NTM: variants seen among roughly 807,000 people sequenced by gnomAD.
NTM encodes IgLON family member 2.
Under a neutral mutation model 42.1 loss-of-function variants are expected in NTM, and 13 were observed. The observed-to-expected ratio is 0.31, with a 90% CI of 0.20 to 0.49. The LOEUF is 0.49. Among genes scored for constraint, NTM ranks in the 20% least tolerant of loss-of-function variants. The probability of loss-of-function intolerance (pLI) is 0.99; values close to 1 mark genes in which losing one functional copy is unlikely to be tolerated. For missense variants in NTM, 373 were observed against 452.8 expected (o/e 0.82, Z 1.60); for synonymous variants, 187 against 179.2 (o/e 1.04, Z -0.35).
intron 3 of NTM, among the ~76,000 whole-genome samples, chr11:132,175,156 G>T (rs2049658882): frequency 2.0e-5 from 3 of 152,124 alleles, no homozygotes; most frequent in Non-Finnish European, 4.4e-5. Flanking sequence ...TGTACATGTA[G>T]GATTTTTAAT....
At chr11:132,084,452 A>G (rs541591357) in intron 2 of NTM, among the ~76,000 whole-genome samples, 1 of 152,282 alleles carries the variant, frequency 6.6e-6, no homozygotes, top group South Asian at 2.1e-4. Context: ...ATGTACCTAA[A>G]CATGTCAGAT....
intron 1 of NTM, among the ~76,000 whole-genome samples, chr11:131,524,173 G>A (rs1447596404): frequency 6.6e-6 from 1 of 152,212 alleles, no homozygotes; most frequent in Non-Finnish European, 1.5e-5. Context: ...GCTGGTCTAG[G>A]GGATCCAAGA....
chr11:132,066,754 G>T (rs2056558200), intron 2 of NTM, among the ~76,000 whole-genome samples: 1 of 152,002 alleles, frequency 6.6e-6, no homozygotes, highest in African/African-American at 2.4e-5. Flanking sequence ...GTTCAAATTT[G>T]CTTCTTTCTT....
At chr11:131,396,458 T>C (rs1944566750) in intron 1 of NTM, among the ~76,000 whole-genome samples, 1 of 152,156 alleles carries the variant, frequency 6.6e-6, no homozygotes, top group African/African-American at 2.4e-5. Flanking sequence ...CTGTTGCTTT[T>C]AGATCATATT....
chr11:132,260,741 G>A (rs934879441), intron 4 of NTM, among the ~76,000 whole-genome samples: 3 of 152,320 alleles, frequency 2.0e-5, no homozygotes, highest in Admixed American at 6.5e-5. Flanking sequence ...CACCAGATGG[G>A]AAAGCCTTCG....
At chr11:132,085,956 G>T (rs2059647202) in intron 2 of NTM, among the ~76,000 whole-genome samples, 1 of 152,120 alleles carries the variant, frequency 6.6e-6, no homozygotes. Context: ...GGAATCCACG[G>T]TGCCTTTTCT....
At chr11:131,600,612 C>T (rs1487519581) in intron 1 of NTM, among the ~76,000 whole-genome samples, 2 of 152,178 alleles carry the variant, frequency 1.3e-5, no homozygotes, top group Non-Finnish European at 2.9e-5. Flanking sequence ...GTTCCTCTGC[C>T]AAAGAAATTT....
At chr11:131,372,524 G>T (rs1191733146) in intron 1 of NTM, among the ~76,000 whole-genome samples, 1 of 152,096 alleles carries the variant, frequency 6.6e-6, no homozygotes, top group Non-Finnish European at 1.5e-5. Flanking sequence ...GCTGAGTTCA[G>T]GATCGGGCAG....
intron 2 of NTM, among the ~76,000 whole-genome samples, chr11:131,958,799 C>T (rs1021788390): frequency 6.6e-6 from 1 of 152,134 alleles, no homozygotes; most frequent in African/African-American, 2.4e-5. Flanking sequence ...CGAGTTCTTG[C>T]CCTGTAATGT....
chr11:131,383,042 T>C (rs1420471219), intron 1 of NTM, among the ~76,000 whole-genome samples: 1 of 152,208 alleles, frequency 6.6e-6, no homozygotes, highest in African/African-American at 2.4e-5. Context: ...ATGATCTTTT[T>C]AAACACTTAA....
At chr11:131,856,820 G>A (rs2046147083) in intron 1 of NTM, among the ~76,000 whole-genome samples, 1 of 152,148 alleles carries the variant, frequency 6.6e-6, no homozygotes, top group African/African-American at 2.4e-5. Context: ...CATTCACCTG[G>A]TCTAATAGCC....
intron 1 of NTM, among the ~76,000 whole-genome samples, chr11:131,843,283 T>C (rs2044505186): frequency 6.6e-6 from 1 of 152,188 alleles, no homozygotes; most frequent in Non-Finnish European, 1.5e-5. Context: ...TATGAAGTTA[T>C]CAGATTTTTC....
intron 1 of NTM, among the ~76,000 whole-genome samples, chr11:131,509,995 G>T (rs970241349): frequency 6.6e-6 from 1 of 152,200 alleles, no homozygotes; most frequent in African/African-American, 2.4e-5. Context: ...GGTGATCTCG[G>T]GGGTGGGCCA....
intron 2 of NTM, among the ~76,000 whole-genome samples, chr11:132,116,942 G>C (rs1358543776): frequency 6.6e-6 from 1 of 151,778 alleles, no homozygotes; most frequent in Non-Finnish European, 1.5e-5. Flanking sequence ...AAAAGTAAGG[G>C]GGAAACTATC....
chr11:131,794,759 G>A (rs1013019443), intron 1 of NTM: 5 of 985,414 alleles, frequency 5.1e-6, no homozygotes, highest in Non-Finnish European at 6.0e-6. Flanking sequence ...ACAATGGTGA[G>A]CTCCACACAC....
chr11:131,582,780 C>T (rs2058525941), intron 1 of NTM, among the ~76,000 whole-genome samples: 1 of 152,136 alleles, frequency 6.6e-6, no homozygotes, highest in East Asian at 1.9e-4. Flanking sequence ...CAACAACCCC[C>T]ACGCCCCCTT....
At chr11:131,633,147 G>A (rs2063833564) in intron 1 of NTM, among the ~76,000 whole-genome samples, 1 of 152,068 alleles carries the variant, frequency 6.6e-6, no homozygotes. Flanking sequence ...ACTGGGTTCT[G>A]ATTTATCATT....
At chr11:131,803,903 C>T (rs2092327803) in intron 1 of NTM, among the ~76,000 whole-genome samples, 1 of 152,208 alleles carries the variant, frequency 6.6e-6, no homozygotes, top group African/African-American at 2.4e-5. Flanking sequence ...GTTCTCTTCA[C>T]CTCCCACTGT....
At chr11:132,199,965 T>A (rs532318590) in intron 3 of NTM, among the ~76,000 whole-genome samples, 17 of 152,078 alleles carry the variant, frequency 1.1e-4, no homozygotes, top group Non-Finnish European at 2.5e-4. Context: ...TGTTGAAACT[T>A]CTCTCTTTCC....
Sources: allele counts gnomAD v4.1 joint callset (sites outside exome capture counted in the v4.1 genomes callset), GRCh38; gene constraint gnomAD v4.1.1; transcripts MANE v1.5; gene names NCBI Gene and HGNC (gene_info 2026-07-23, HGNC 2026-07-21).